The following RBMS3 variants were observed in gnomAD, a reference collection of about 807,000 sequenced individuals.
RBMS3 encodes RNA-binding motif, single-stranded-interacting protein 3.
In RBMS3, 27 loss-of-function variants were observed where a neutral mutation model predicts 66.8. The ratio of observed to expected loss-of-function variants is 0.40; its 90% CI spans 0.30 to 0.56. The LOEUF (loss-of-function observed/expected upper bound fraction) is 0.56. RBMS3 is among the 20% of genes least tolerant of loss of function. RBMS3 has a pLI of 0.40. For synonymous variants in RBMS3, 188 were observed against 183.0 expected, an observed-to-expected ratio of 1.03 and a Z score of -0.22; for missense variants, 513 against 549.5, an observed-to-expected ratio of 0.93 and a Z score of 0.66.
chr3:29,433,314 A>AGGTTTTTT (rs2041277883), intron 1 of RBMS3, among the ~76,000 whole-genome samples: 2 of 152,180 alleles, frequency 1.3e-5, no homozygotes, highest in East Asian at 3.9e-4. Flanking sequence ...AAGACTCTTC[A>AGGTTTTTT]TCTTCAGATG....
chr3:29,999,634 C>T (rs1437263241), intron 14 of RBMS3, among the ~76,000 whole-genome samples: 1 of 152,138 alleles, frequency 6.6e-6, no homozygotes, highest in African/African-American at 2.4e-5. Context: ...TGGAAACCAT[C>T]ATTCCCAGCA....
intron 1 of RBMS3, among the ~76,000 whole-genome samples, chr3:29,282,106 A>G (rs2031852203): frequency 6.6e-6 from 1 of 152,250 alleles, no homozygotes; most frequent in East Asian, 1.9e-4. Flanking sequence ...GCACAAGAAT[A>G]TAATTTCAGG....
chr3:29,291,949 C>A (rs1004510779), intron 1 of RBMS3, among the ~76,000 whole-genome samples: 2 of 151,692 alleles, frequency 1.3e-5, no homozygotes, highest in African/African-American at 4.8e-5. Flanking sequence ...AAATCAAGAT[C>A]CCAAGCCTAG....
chr3:29,994,605 C>A (rs1327122397), intron 14 of RBMS3, among the ~76,000 whole-genome samples: 4 of 152,242 alleles, frequency 2.6e-5, no homozygotes, highest in Admixed American at 1.3e-4. Flanking sequence ...ACTGCCTCCT[C>A]AAGTGGGTCC....
Position 29,944,028 on chromosome 3 carries a change from G to GT in RBMS3, c.1051-178dup, listed in dbSNP as rs1416180088. ...ACCTAATAACATGTACAGTATTGTG[G>GT]TAATAGGGACCATGGTATCAAATGC... On this transcript the variant is annotated intron_variant, in intron 11 of 14. Transcript: ENST00000383767. 3.3e-5 allele frequency among the ~76,000 whole-genome samples: 5 copies of GT among 151,832 alleles called. No individual in the cohort carries two copies. In the East Asian group the frequency reaches 7.8e-4, roughly 24 times the overall value.
intron 6 of RBMS3, among the ~76,000 whole-genome samples, chr3:29,806,531 A>G (rs1377521354): frequency 6.6e-6 from 1 of 151,998 alleles, no homozygotes; most frequent in East Asian, 1.9e-4. Context: ...GAAGAAAGCC[A>G]GCACAATTTT....
intron 4 of RBMS3, among the ~76,000 whole-genome samples, chr3:29,619,326 T>A (rs1257599551): frequency 3.4e-5 from 5 of 148,986 alleles, no homozygotes; most frequent in African/African-American, 1.2e-4. Context: ...AGAACAAAAA[T>A]GCAAACAAAG....
At chr3:29,305,683 C>T (rs2033959986) in intron 1 of RBMS3, among the ~76,000 whole-genome samples, 2 of 152,052 alleles carry the variant, frequency 1.3e-5, no homozygotes, top group South Asian at 4.1e-4. Flanking sequence ...CCTAGTGTTC[C>T]AGGAGGCACC....
intron 11 of RBMS3, among the ~76,000 whole-genome samples, chr3:29,942,808 CTT>C (rs558929331): frequency 1.9e-4 from 25 of 130,812 alleles, no homozygotes; most frequent in Non-Finnish European, 2.0e-4. Flanking sequence ...CAATAATTAA[CTT>C]TTTTTTTTTT....
rs1356890624 is a variant in RBMS3 at position 30,009,071 on chromosome 3, C to CT, written c.*5211dup. On this transcript the variant is annotated 3_prime_UTR_variant, in exon 15 of 15. Transcript: ENST00000383767. ...AATATATCAAGAAAATTTTCTTCCA[C>CT]TTAGAAAGCTTTAAAGCTGAAGTAG... 1.1e-4 allele frequency: 16 copies of CT among 152,124 alleles called. No individual in the cohort carries two copies. Among genetic ancestry groups the CT allele is most frequent in the Admixed American group, 9.8e-4 (15 of 15,272 alleles). 9.4% of individuals were successfully genotyped at this position (152,124 alleles called of 1,614,324 possible).
At position 29,847,812 on chromosome 3, in the gene RBMS3, C is replaced by A. The variant is rs368409485; in HGVS notation, c.638-21046C>A. 2.8e-3 allele frequency among the ~76,000 whole-genome samples: 420 copies of A among 152,206 alleles called. 1 individual carries two copies. The highest frequency in any genetic ancestry group is 9.7e-3 in the African/African-American group (402 of 41,522). ...CTGGGACTACAGGCGCTCGCCGTCA[C>A]GCCCGGCTAATTTTCTTGTGTTTTT... On this transcript the variant is annotated intron_variant, in intron 6 of 14. Coordinates refer to ENST00000383767, the MANE Select transcript of RBMS3 (RefSeq NM_001003793.3).
intron 1 of RBMS3, among the ~76,000 whole-genome samples, chr3:29,351,588 C>CT (rs569021495): frequency 2.2e-3 from 327 of 151,924 alleles, no homozygotes; most frequent in Admixed American, 4.4e-3. Context: ...CTTTTACTGA[C>CT]TTTTTTGAGT....
chr3:29,762,876 C>G, intron 5 of RBMS3, 34 bp from the exon 6 acceptor site: 1 of 1,367,568 alleles, frequency 7.3e-7, no homozygotes, highest in Non-Finnish European at 1.0e-6. Flanking sequence ...TCTTGACAAC[C>G]ATATATGACC....
chr3:29,465,469 A>C (rs1461237556), intron 2 of RBMS3, among the ~76,000 whole-genome samples: 1 of 147,546 alleles, frequency 6.8e-6, no homozygotes, highest in Non-Finnish European at 1.5e-5. Context: ...TCTCTGGCCT[A>C]TTGGACGGTC....
intron 1 of RBMS3, among the ~76,000 whole-genome samples, chr3:29,410,502 G>T (rs922480493): frequency 2.6e-5 from 4 of 152,144 alleles, no homozygotes; most frequent in African/African-American, 9.7e-5. Flanking sequence ...CCTCATGTGG[G>T]AATATGTCCT....
chr3:29,496,675 C>A (rs1443912831), intron 3 of RBMS3, among the ~76,000 whole-genome samples: 1 of 152,134 alleles, frequency 6.6e-6, no homozygotes, highest in Non-Finnish European at 1.5e-5. Context: ...GCTTTCCAAA[C>A]TTATTATTTC....
At chr3:29,409,870 T>C (rs368925903) in intron 1 of RBMS3, among the ~76,000 whole-genome samples, 10 of 152,316 alleles carry the variant, frequency 6.6e-5, no homozygotes, top group African/African-American at 2.4e-4. Context: ...CTTAAATTAA[T>C]TGATTTTTTT....
intron 10 of RBMS3, among the ~76,000 whole-genome samples, chr3:29,904,513 C>T (rs888603964): frequency 1.3e-5 from 2 of 151,892 alleles, no homozygotes; most frequent in African/African-American, 4.8e-5. Context: ...TTGCTAACAG[C>T]TCCATTGTCA....
chr3:29,470,951 T>C (rs941039190), intron 2 of RBMS3, among the ~76,000 whole-genome samples: 15 of 152,148 alleles, frequency 9.9e-5, no homozygotes, highest in African/African-American at 3.6e-4. Flanking sequence ...CCTGCTTGTT[T>C]GTGTGTGTAA....
Sources: gnomAD v4.1 joint callset for allele counts (sites outside exome capture counted in the v4.1 genomes callset) on GRCh38, gnomAD v4.1.1 for gene constraint, MANE v1.5 for transcripts, NCBI Gene and HGNC (gene_info 2026-07-23, HGNC 2026-07-21) for gene names.